The following EVI5 variants were observed in gnomAD, a reference collection of about 807,000 sequenced individuals.
The protein encoded by EVI5 is ecotropic viral integration site 5.
EVI5 carries 73 observed loss-of-function variants against 112.0 expected under a neutral mutation model. That is an observed-to-expected ratio of 0.65 (90% CI 0.54 to 0.79). The LOEUF is 0.79. Among genes scored for constraint, EVI5 ranks in the 30% least tolerant of loss-of-function variants. EVI5 has a pLI of 0.00. For missense variants in EVI5, 900 were observed against 968.8 expected (o/e 0.93, Z 0.94); for synonymous variants, 305 against 319.9 (o/e 0.95, Z 0.50).
At chr1:92,756,097 AAAG>A (rs2102957141) in intron 1 of EVI5, 1 of 281,276 alleles carries the variant, frequency 3.6e-6, no homozygotes, top group East Asian at 8.3e-5. Flanking sequence ...ATCTGAAGAA[AAAG>A]AAGATAGTGT....
intron 13 of EVI5, among the ~76,000 whole-genome samples, chr1:92,637,571 C>T (rs779721887): frequency 6.6e-6 from 1 of 152,028 alleles, no homozygotes; most frequent in Non-Finnish European, 1.5e-5. Flanking sequence ...AGCTTCTGTA[C>T]AAAAGCAATA....
At chr1:92,648,224 A>T (rs1023645696) in intron 13 of EVI5, among the ~76,000 whole-genome samples, 1 of 119,330 alleles carries the variant, frequency 8.4e-6, no homozygotes, top group African/African-American at 3.1e-5. Flanking sequence ...AAAAACAAAA[A>T]CCAGCCGGGC....
intron 18 of EVI5, among the ~76,000 whole-genome samples, chr1:92,598,605 T>C (rs998588821): frequency 1.3e-5 from 2 of 152,138 alleles, no homozygotes; most frequent in Non-Finnish European, 2.9e-5. Flanking sequence ...TTAAATGCTA[T>C]ACATGGCATA....
chr1:92,736,366 T>C, intron 2 of EVI5, 32 bp downstream of exon 2: 1 of 1,381,444 alleles, frequency 7.2e-7, no homozygotes, highest in Admixed American at 1.7e-5. Context: ...TTTGTATAAT[T>C]GGAGAGAAAA....
chr1:92,548,601 C>A (rs949205828), intron 19 of EVI5, among the ~76,000 whole-genome samples: 2 of 152,132 alleles, frequency 1.3e-5, no homozygotes, highest in Non-Finnish European at 2.9e-5. Context: ...AAAACCCCAT[C>A]GTCTCAGCCC....
chr1:92,611,830 G>C, intron 16 of EVI5, among the ~76,000 whole-genome samples: 1 of 151,896 alleles, frequency 6.6e-6, no homozygotes, highest in South Asian at 2.1e-4. Flanking sequence ...AACTGTTTGA[G>C]GTCAGGAGCT....
chr1:92,780,018 T>G (rs144183103), intron 1 of EVI5, among the ~76,000 whole-genome samples: 1 of 152,324 alleles, frequency 6.6e-6, no homozygotes, highest in African/African-American at 2.4e-5. Context: ...CACCCAAATC[T>G]CACCTTAAAT....
At chr1:92,669,798 G>C (rs965470147) in intron 10 of EVI5, among the ~76,000 whole-genome samples, 1 of 152,018 alleles carries the variant, frequency 6.6e-6, no homozygotes, top group African/African-American at 2.4e-5. Flanking sequence ...TCTACCACCT[G>C]ATTGATTCTC....
chr1:92,666,010 G>T lies in EVI5; in HGVS notation c.1159-18C>A. 2 of 1,555,258 alleles carry T rather than the reference G, an allele frequency of 1.3e-6. No individual in the cohort carries two copies. The highest frequency in any genetic ancestry group is 1.2e-5 in the South Asian group (1 of 83,854). On this transcript the variant is annotated intron_variant, in intron 10 of 19. Coordinates refer to ENST00000684568, the MANE Select transcript of EVI5 (RefSeq NM_001350197.2). ...CGTAACCTCTGCCAAGAAAAAAAAA[G>T]TTTTATTTGCAAGCATTTTTGAGAG...
intron 13 of EVI5, among the ~76,000 whole-genome samples, chr1:92,641,451 CA>C (rs1029771255): frequency 1.3e-5 from 2 of 150,666 alleles, no homozygotes; most frequent in Non-Finnish European, 3.0e-5. Flanking sequence ...TTGAATGCTG[CA>C]AAAAAAAATC....
intron 16 of EVI5, among the ~76,000 whole-genome samples, chr1:92,614,662 C>T (rs1652619360): frequency 6.6e-6 from 1 of 150,574 alleles, no homozygotes; most frequent in Non-Finnish European, 1.5e-5. Context: ...AAACATCAGA[C>T]TCCAGGCTCT....
upstream of EVI5, among the ~76,000 whole-genome samples, chr1:92,788,061 C>T (rs1337028860): frequency 6.6e-6 from 1 of 151,954 alleles, no homozygotes; most frequent in Non-Finnish European, 1.5e-5. Flanking sequence ...AGTGAAATTT[C>T]TGGGTGGTAA....
At chr1:92,725,839 G>C (rs542075979) in intron 2 of EVI5, among the ~76,000 whole-genome samples, 1 of 152,064 alleles carries the variant, frequency 6.6e-6, no homozygotes, top group East Asian at 1.9e-4. Flanking sequence ...AGAATGACCA[G>C]AGAGCCCATT....
chr1:92,766,977 G>C (rs1000547384), intron 1 of EVI5, among the ~76,000 whole-genome samples: 1 of 151,330 alleles, frequency 6.6e-6, no homozygotes, highest in East Asian at 1.9e-4. Context: ...AGCGACTCGG[G>C]AGGCTGAGGC....
At chr1:92,784,781 G>A in intron 1 of EVI5, 55 bp downstream of exon 1, 1 of 978,190 alleles carries the variant, frequency 1.0e-6, no homozygotes, top group Non-Finnish European at 1.2e-6. Flanking sequence ...GCGGAACACG[G>A]ACTCACCGCC....
chr1:92,666,120 C>A, intron 10 of EVI5, 128 bp from the exon 11 acceptor site: 2 of 583,970 alleles, frequency 3.4e-6, no homozygotes, highest in East Asian at 3.0e-5. Context: ...ATTACATTAT[C>A]AAATGTCAAA....
intron 18 of EVI5, among the ~76,000 whole-genome samples, chr1:92,575,750 G>A (rs989695695): frequency 3.3e-5 from 5 of 151,856 alleles, no homozygotes; most frequent in Non-Finnish European, 7.4e-5. Context: ...TTTTAGCAGA[G>A]ACAGGGTTTC....
chr1:92,784,389 C>A, intron 1 of EVI5: 1 of 985,286 alleles, frequency 1.0e-6, no homozygotes, highest in Non-Finnish European at 1.2e-6. Flanking sequence ...ACACGCCATG[C>A]GCAGAATCCC....
intron 18 of EVI5, among the ~76,000 whole-genome samples, chr1:92,572,631 A>C (rs1269271465): frequency 6.6e-6 from 1 of 151,998 alleles, no homozygotes; most frequent in Non-Finnish European, 1.5e-5. Context: ...GCTCTCCCCC[A>C]TTATGTAGTG....
Sources: allele counts gnomAD v4.1 joint callset (sites outside exome capture counted in the v4.1 genomes callset), GRCh38; gene constraint gnomAD v4.1.1; transcripts MANE v1.5; gene names NCBI Gene and HGNC (gene_info 2026-07-23, HGNC 2026-07-21).